Variants in ADAMTSL1 observed in about 807,000 individuals in gnomAD.
ADAMTSL1 encodes ADAMTS-like protein 1.
Under a neutral mutation model 201.8 loss-of-function variants are expected in ADAMTSL1, and 126 were observed. That is an observed-to-expected ratio of 0.62 (90% CI 0.54 to 0.72). The LOEUF is 0.72. Ranked by LOEUF, ADAMTSL1 falls within the 30% of genes least tolerant of loss-of-function variation. ADAMTSL1 has a pLI of 0.00. For missense variants in ADAMTSL1, 2,679 were observed against 2,277.8 expected (o/e 1.18, Z -3.59); for synonymous variants, 1,121 against 903.4 (o/e 1.24, Z -4.32).
intron 2 of ADAMTSL1, among the ~76,000 whole-genome samples, chr9:18,341,007 C>T (rs1835444109): frequency 6.6e-6 from 1 of 152,106 alleles, no homozygotes; most frequent in African/African-American, 2.4e-5. Context: ...AGACCCCCAC[C>T]AACTCTCAAG....
In ADAMTSL1 at chr9:18,362,718, C is replaced by T. The variant is rs150597442; in HGVS notation, c.208-142111C>T. ...GGTGCTAATTGATAAATCAAGATTT[C>T]CTTCTCTGAATGAGTCTTTCATCAG... On this transcript the variant is annotated intron_variant, in intron 2 of 29. Transcript: ENST00000680146. Among the ~76,000 whole-genome samples, 659 of 152,262 alleles carry T rather than the reference C, an allele frequency of 4.3e-3. 5 individuals carry two copies. The highest frequency in any genetic ancestry group is 7.0e-3 in the Non-Finnish European group (477 of 68,022).
chr9:18,628,272 A>C (rs2132716787), intron 5 of ADAMTSL1, among the ~76,000 whole-genome samples: 1 of 152,262 alleles, frequency 6.6e-6, no homozygotes, highest in South Asian at 2.1e-4. Flanking sequence ...ATAAGGTGTA[A>C]GTTTGATAGG....
At chr9:18,538,720 A>C (rs937683143) in intron 3 of ADAMTSL1, among the ~76,000 whole-genome samples, 2 of 152,174 alleles carry the variant, frequency 1.3e-5, no homozygotes, top group Non-Finnish European at 2.9e-5. Flanking sequence ...CATGGCATTC[A>C]CAGAGTTGTT....
intron 2 of ADAMTSL1, among the ~76,000 whole-genome samples, chr9:18,386,652 T>G (rs1227551907): frequency 1.3e-5 from 2 of 152,184 alleles, no homozygotes; most frequent in Non-Finnish European, 2.9e-5. Context: ...TATGCTTACC[T>G]AATAATCTGA....
At chr9:18,708,322 C>G (rs1832347790) in intron 14 of ADAMTSL1, among the ~76,000 whole-genome samples, 1 of 152,166 alleles carries the variant, frequency 6.6e-6, no homozygotes, top group Non-Finnish European at 1.5e-5. Flanking sequence ...ATAGTGCTGA[C>G]CTTGAGGTTC....
At chr9:18,363,416 G>A (rs1322238365) in intron 2 of ADAMTSL1, among the ~76,000 whole-genome samples, 2 of 152,222 alleles carry the variant, frequency 1.3e-5, no homozygotes, top group Non-Finnish European at 2.9e-5. Flanking sequence ...TTGGGAGACA[G>A]CATGGAAAGA....
At chr9:18,071,334 A>C (rs1822954284) in intron 1 of ADAMTSL1, among the ~76,000 whole-genome samples, 1 of 152,234 alleles carries the variant, frequency 6.6e-6, no homozygotes, top group Non-Finnish European at 1.5e-5. Flanking sequence ...CAGAACACCA[A>C]AAATAAGTGT....
chr9:18,046,561 C>T (rs995269910), intron 1 of ADAMTSL1, among the ~76,000 whole-genome samples: 9 of 152,086 alleles, frequency 5.9e-5, no homozygotes, highest in Non-Finnish European at 8.8e-5. Context: ...ACCATGTGTC[C>T]AGCTAAAAAT....
intron 2 of ADAMTSL1, among the ~76,000 whole-genome samples, chr9:18,204,402 A>G (rs1026611589): frequency 2.0e-5 from 3 of 151,944 alleles, no homozygotes; most frequent in East Asian, 1.9e-4. Flanking sequence ...GCCTTCCACC[A>G]TGATTGTAAG....
intron 23 of ADAMTSL1, among the ~76,000 whole-genome samples, chr9:18,881,944 A>G (rs1828562047): frequency 6.6e-6 from 1 of 152,210 alleles, no homozygotes; most frequent in Admixed American, 6.5e-5. Flanking sequence ...CCAAGACCCA[A>G]GGCTCAGATG....
chr9:17,997,010 G>A (rs1383094766), intron 1 of ADAMTSL1, among the ~76,000 whole-genome samples: 1 of 152,120 alleles, frequency 6.6e-6, no homozygotes, highest in African/African-American at 2.4e-5. Flanking sequence ...ACCTACGTAA[G>A]CTTTCACTTG....
At chr9:18,423,449 A>G (rs778823362) in intron 2 of ADAMTSL1, among the ~76,000 whole-genome samples, 1 of 152,172 alleles carries the variant, frequency 6.6e-6, no homozygotes, top group Non-Finnish European at 1.5e-5. Flanking sequence ...TACATAGGTA[A>G]ACATATGTAC....
intron 2 of ADAMTSL1, among the ~76,000 whole-genome samples, chr9:18,428,416 G>T (rs1284340949): frequency 7.3e-6 from 1 of 136,974 alleles, no homozygotes; most frequent in East Asian, 2.1e-4. Context: ...TGGTAATATT[G>T]TGAGACCCCT....
rs1827139077 is a variant in ADAMTSL1, at chr9:17,939,343, A to G, written c.87+32421A>G. Among the ~76,000 whole-genome samples, 4 of 149,472 alleles carry G rather than the reference A, an allele frequency of 2.7e-5. No homozygotes were observed. The South Asian group carries it at 8.5e-4, about 32-fold the overall frequency. ...CAACCACCATCTAGTGTCCAGTTGG[A>G]TTTTTTTGTTCTATTCAAACTAGTC... On this transcript the variant is annotated intron_variant, in intron 1 of 29. Transcript: ENST00000680146.
chr9:18,683,643 C>G (rs955946512), intron 12 of ADAMTSL1, among the ~76,000 whole-genome samples: 2 of 152,162 alleles, frequency 1.3e-5, no homozygotes, highest in Non-Finnish European at 2.9e-5. Context: ...TTTTATATTT[C>G]TCACTTGCTT....
intron 3 of ADAMTSL1, among the ~76,000 whole-genome samples, chr9:18,555,238 T>C (rs1000214040): frequency 6.6e-6 from 1 of 151,932 alleles, no homozygotes; most frequent in Non-Finnish European, 1.5e-5. Context: ...TTATAAAGAC[T>C]GTTAGAATGG....
At chr9:18,416,980 G>T (rs931289558) in intron 2 of ADAMTSL1, among the ~76,000 whole-genome samples, 1 of 151,974 alleles carries the variant, frequency 6.6e-6, no homozygotes, top group Non-Finnish European at 1.5e-5. Context: ...CTTTTCAAGT[G>T]TAGATGGCAC....
At chr9:18,433,157 T>G (rs1476196427) in intron 2 of ADAMTSL1, among the ~76,000 whole-genome samples, 2 of 152,140 alleles carry the variant, frequency 1.3e-5, no homozygotes, top group Non-Finnish European at 2.9e-5. Context: ...TATAAACCCT[T>G]CCCGTGCTGA....
chr9:18,654,342 AG>A (rs1828488149), intron 7 of ADAMTSL1, among the ~76,000 whole-genome samples: 2 of 152,272 alleles, frequency 1.3e-5, no homozygotes, highest in Admixed American at 1.3e-4. Context: ...GGAAACTGGC[AG>A]ATGTATATAA....
Sources: gnomAD v4.1 joint callset for allele counts (sites outside exome capture counted in the v4.1 genomes callset) on GRCh38, gnomAD v4.1.1 for gene constraint, MANE v1.5 for transcripts, NCBI Gene and HGNC (gene_info 2026-07-23, HGNC 2026-07-21) for gene names.